HSPBAP1: variants seen among roughly 807,000 people sequenced by gnomAD.
The protein encoded by HSPBAP1 is HSPB1-associated protein 1.
HSPBAP1 carries 27 observed loss-of-function variants against 45.2 expected under a neutral mutation model. That is an observed-to-expected ratio of 0.60 (90% confidence interval 0.44 to 0.82). HSPBAP1 has a LOEUF of 0.82. HSPBAP1 is among the 40% of genes least tolerant of loss of function. The pLI, the probability that HSPBAP1 is intolerant of heterozygous loss-of-function variation, is 0.00. For synonymous variants in HSPBAP1, 204 were observed against 202.7 expected (o/e 1.01, Z -0.06); for missense variants, 510 against 590.9 (o/e 0.86, Z 1.42).
At chr3:122,766,128 A>C (rs769670319) in intron 3 of HSPBAP1, among the ~76,000 whole-genome samples, 4 of 152,224 alleles carry the variant, frequency 2.6e-5, no homozygotes, top group Non-Finnish European at 5.9e-5. Flanking sequence ...ATGTACAACA[A>C]TCTATCCCTC....
At chr3:122,753,856 G>A (rs1303042498) in intron 5 of HSPBAP1, 3 of 985,000 alleles carry the variant, frequency 3.0e-6, no homozygotes, top group East Asian at 1.1e-4. Flanking sequence ...TAGGATGTAA[G>A]GAAAACTGAT....
In HSPBAP1 at chr3:122,745,418, G is replaced by A. The variant is rs114186312; in HGVS notation, c.826-4305C>T. 7.0e-3 allele frequency among the ~76,000 whole-genome samples: 1,062 copies of A among 152,242 alleles called. 5 individuals are homozygous for A. The highest frequency in any genetic ancestry group is 0.022 in the African/African-American group (911 of 41,536). On this transcript the variant is annotated intron_variant, in intron 6 of 7. Coordinates refer to ENST00000306103, the MANE Select transcript of HSPBAP1 (RefSeq NM_024610.6). The stretch of plus-strand genomic sequence containing the variant: ...AAAAAAAGATGAAATATGGCAGTCC[G>A]CCCTTATCTGCAGTTTCGCTTTCCA...
intron 5 of HSPBAP1, chr3:122,753,696 TG>T: frequency 3.0e-6 from 3 of 984,622 alleles, no homozygotes; most frequent in Non-Finnish European, 3.6e-6. Flanking sequence ...AAGGCAGGAC[TG>T]GGAAATAGAA....
At chr3:122,773,297 A>G (rs1443676532) in intron 2 of HSPBAP1, among the ~76,000 whole-genome samples, 1 of 148,066 alleles carries the variant, frequency 6.8e-6, no homozygotes, top group Non-Finnish European at 1.5e-5. Context: ...GCAATCAAAT[A>G]AATGTGTTTT....
chr3:122,774,418 C>T (rs1935117386), intron 2 of HSPBAP1, among the ~76,000 whole-genome samples: 1 of 151,888 alleles, frequency 6.6e-6, no homozygotes, highest in South Asian at 2.1e-4. Flanking sequence ...ATGCAAAGGC[C>T]CTGAAGTAGG....
intron 3 of HSPBAP1, among the ~76,000 whole-genome samples, chr3:122,759,823 G>A (rs747330658): frequency 3.0e-4 from 46 of 152,204 alleles, no homozygotes; most frequent in Admixed American, 7.9e-4. Flanking sequence ...TCAGAAAGCC[G>A]TATTTCCTCT....
At chr3:122,780,143 C>A in intron 1 of HSPBAP1, among the ~76,000 whole-genome samples, 1 of 120,510 alleles carries the variant, frequency 8.3e-6, no homozygotes, top group Non-Finnish European at 1.9e-5. Context: ...GGAGCTGACC[C>A]CCCCACCTCC....
intron 3 of HSPBAP1, chr3:122,761,619 T>TG (rs1167358303): frequency 1.3e-5 from 2 of 150,402 alleles, no homozygotes; most frequent in Non-Finnish European, 3.0e-5. Context: ...AAAAAGGTTT[T>TG]TTTTTTTTTT....
intron 6 of HSPBAP1, among the ~76,000 whole-genome samples, chr3:122,743,434 T>A (rs991269660): frequency 4.6e-5 from 7 of 152,082 alleles, no homozygotes; most frequent in African/African-American, 7.2e-5. Flanking sequence ...GGCCTGGTGG[T>A]GCATGCCTTT....
intron 2 of HSPBAP1, among the ~76,000 whole-genome samples, chr3:122,769,134 A>C (rs1934892781): frequency 6.6e-6 from 1 of 152,186 alleles, no homozygotes; most frequent in Non-Finnish European, 1.5e-5. Context: ...TCCAAAAAAA[A>C]ATTAATTAAA....
chr3:122,790,830 AT>A (rs1188385071), intron 1 of HSPBAP1, among the ~76,000 whole-genome samples: 1 of 152,242 alleles, frequency 6.6e-6, no homozygotes, highest in Non-Finnish European at 1.5e-5. Flanking sequence ...AAAATAAAAA[AT>A]AAACCAAAAA....
chr3:122,755,012 C>T (rs1353055062), intron 5 of HSPBAP1: 2 of 1,168,778 alleles, frequency 1.7e-6, no homozygotes, highest in African/African-American at 3.2e-5. Context: ...CTCCAAAGTC[C>T]ATTCTCCTCT....
At chr3:122,783,391 G>A (rs1292590693) in intron 1 of HSPBAP1, among the ~76,000 whole-genome samples, 2 of 152,098 alleles carry the variant, frequency 1.3e-5, no homozygotes, top group African/African-American at 2.4e-5. Context: ...TGGATTCCGC[G>A]TGTATGAAAA....
intron 6 of HSPBAP1, among the ~76,000 whole-genome samples, chr3:122,751,004 TG>T (rs1172148861): frequency 6.6e-6 from 1 of 152,162 alleles, no homozygotes; most frequent in Non-Finnish European, 1.5e-5. Flanking sequence ...GCAGATCATG[TG>T]AAAAAAAATC....
rs914760461 is a variant in HSPBAP1, at chr3:122,754,580, A to G, written c.741+680T>C. On this transcript the variant is annotated intron_variant, in intron 5 of 7. Transcript: ENST00000306103. ...GAAGGAAGCAGGAAAAGAGCCAGTG[A>G]GACCGGTACAATGGATGGAAGACAG... The G allele has an allele frequency of 3.0e-6, 3 of 984,576 alleles. No individual in the cohort carries two copies. The African/African-American group carries it at 5.2e-5, about 17-fold the overall frequency. The allele number at this position is 984,576 out of a possible 1,614,324, so 61.0% of individuals were successfully genotyped here.
At chr3:122,766,540 C>T (rs1299501343) in intron 3 of HSPBAP1, among the ~76,000 whole-genome samples, 1 of 152,196 alleles carries the variant, frequency 6.6e-6, no homozygotes, top group African/African-American at 2.4e-5. Context: ...CAAAAGGCTG[C>T]CCTTTATATC....
At chr3:122,767,125 T>A (rs1383464053) in intron 3 of HSPBAP1, among the ~76,000 whole-genome samples, 3 of 152,236 alleles carry the variant, frequency 2.0e-5, no homozygotes, top group South Asian at 2.1e-4. Flanking sequence ...AAAATTATCA[T>A]TTAAAAATGA....
intron 6 of HSPBAP1, among the ~76,000 whole-genome samples, chr3:122,741,975 T>A (rs565511110): frequency 6.6e-6 from 1 of 152,134 alleles, no homozygotes; most frequent in African/African-American, 2.4e-5. Flanking sequence ...CTCGTAAACT[T>A]GAGTATTGTA....
At chr3:122,772,185 T>A (rs559343912) in intron 2 of HSPBAP1, among the ~76,000 whole-genome samples, 10 of 152,330 alleles carry the variant, frequency 6.6e-5, no homozygotes, top group Admixed American at 6.5e-4. Flanking sequence ...AAAGATAACA[T>A]GTTCCTGTGT....
Sources: gnomAD v4.1 joint callset for allele counts (sites outside exome capture counted in the v4.1 genomes callset) on GRCh38, gnomAD v4.1.1 for gene constraint, MANE v1.5 for transcripts, NCBI Gene and HGNC (gene_info 2026-07-23, HGNC 2026-07-21) for gene names.